The following TRIM5 variants were observed in gnomAD, a reference collection of about 807,000 sequenced individuals.
The protein encoded by TRIM5 is tripartite motif containing 5.
Under a neutral mutation model 35.6 loss-of-function variants are expected in TRIM5, and 31 were observed. The observed-to-expected ratio is 0.87, with a 90% CI of 0.65 to 1.18. The LOEUF (loss-of-function observed/expected upper bound fraction) is 1.18, where lower values mean the gene tolerates loss of function less well. TRIM5 is among the 50% of genes most tolerant of loss of function. The pLI is 0.00. For missense variants in TRIM5, 609 were observed against 591.6 expected, an observed-to-expected ratio of 1.03 and a Z score of -0.31; for synonymous variants, 243 against 215.6, an observed-to-expected ratio of 1.13 and a Z score of -1.11.
At position 5,678,308 on chromosome 11, in the gene TRIM5, G is replaced by A. The variant is rs147678479; in HGVS notation, c.640C>T (p.Leu214Phe). Reference protein sequence around the residue: ...EKEEEDILKSLTNSETEMVQQ... With the variant: ...EKEEEDILKSFTNSETEMVQQ... Reference sequence around the variant, plus strand: ...ACCATCTCAGTTTCAGAGTTCGTAAGGCTTTTCAGAATGTCTTCCTCCTCC... The same window carrying A: ...ACCATCTCAGTTTCAGAGTTCGTAAAGCTTTTCAGAATGTCTTCCTCCTCC... Residue 214 changes from leucine to phenylalanine, a missense_variant, in exon 4 of 8, where the codon CTT becomes TTT. Physicochemically the swap from Leu to Phe is conservative, Grantham distance 22. Coordinates refer to ENST00000380034, the MANE Select transcript of TRIM5 (RefSeq NM_033034.3). 11 of 1,614,150 alleles carry A rather than the reference G, an allele frequency of 6.8e-6. No individual in the cohort carries two copies. The African/African-American group carries it at 1.5e-4, about 22-fold the overall frequency.
chr11:5,641,381 T>G, the TRIM5 span: 364,356 of 1,356,774 alleles, frequency 0.27, 54,531 homozygotes, highest in East Asian at 0.56. Context: ...CGATCCTATG[T>G]TAGTAAATTC....
the TRIM5 span, chr11:5,643,589 C>G: frequency 6.2e-7 from 1 of 1,614,110 alleles, no homozygotes; most frequent in South Asian, 1.1e-5. Context: ...TTTTCAATGT[C>G]ACAAGCCATG....
the TRIM5 span, among the ~76,000 whole-genome samples, chr11:5,625,499 G>T: frequency 2.0e-5 from 3 of 152,094 alleles, no homozygotes; most frequent in Non-Finnish European, 2.9e-5. Context: ...TGTGTGCAGG[G>T]CTTAGCTCCT....
chr11:5,611,243 C>G, the TRIM5 span: 1 of 1,614,064 alleles, frequency 6.2e-7, no homozygotes, highest in South Asian at 1.1e-5. Flanking sequence ...GCTTCCCCAT[C>G]TACACTTTCT....
the TRIM5 span, chr11:5,634,805 G>GAGCTTCTGCTGA: frequency 6.2e-7 from 1 of 1,613,796 alleles, no homozygotes; most frequent in East Asian, 2.2e-5. Flanking sequence ...GTTGGTGAGA[G>GAGCTTCTGCTGA]AGCTCATCTC....
At chr11:5,611,492 C>T in the TRIM5 span, 2 of 735,072 alleles carry the variant, frequency 2.7e-6, no homozygotes, top group Non-Finnish European at 4.4e-6. Flanking sequence ...CTCGCTCTGT[C>T]GCCCAGGCTG....
chr11:5,637,339 A>T, the TRIM5 span, among the ~76,000 whole-genome samples: 1 of 152,158 alleles, frequency 6.6e-6, no homozygotes, highest in African/African-American at 2.4e-5. Context: ...ACTGATACTC[A>T]TTTCGTAAGA....
chr11:5,657,283 G>C, the TRIM5 span, among the ~76,000 whole-genome samples: 12 of 151,780 alleles, frequency 7.9e-5, no homozygotes, highest in East Asian at 2.1e-3. Flanking sequence ...GACACAGGGA[G>C]GGGAACATCA....
At chr11:5,592,926 A>G in the TRIM5 span, among the ~76,000 whole-genome samples, 15 of 132,476 alleles carry the variant, frequency 1.1e-4, no homozygotes, top group Admixed American at 4.5e-4. Flanking sequence ...AAAAAAAAAA[A>G]AAAAGAAAAA....
At chr11:5,640,224 TCAC>T in the TRIM5 span, among the ~76,000 whole-genome samples, 1 of 152,238 alleles carries the variant, frequency 6.6e-6, no homozygotes, top group Non-Finnish European at 1.5e-5. Context: ...ATTCAGTTTT[TCAC>T]CACAAAGTAT....
intron 4 of TRIM5, 66 bp downstream of exon 4, chr11:5,678,138 C>G: frequency 7.2e-7 from 1 of 1,381,562 alleles, no homozygotes; most frequent in East Asian, 2.5e-5. Context: ...AGCACAGCAA[C>G]GCAGAGAAGG....
At chr11:5,680,309 C>T (rs1852335401) in intron 1 of TRIM5, 71 bp from the exon 2 acceptor site, 3 of 902,276 alleles carry the variant, frequency 3.3e-6, no homozygotes, top group South Asian at 3.6e-5. Flanking sequence ...TGATTGTGCA[C>T]AATTAGAAAA....
At chr11:5,646,508 C>T in the TRIM5 span, among the ~76,000 whole-genome samples, 1 of 152,240 alleles carries the variant, frequency 6.6e-6, no homozygotes, top group African/African-American at 2.4e-5. Context: ...CACTAGACTA[C>T]TGCAGATCTA....
intron 3 of TRIM5, among the ~76,000 whole-genome samples, chr11:5,678,771 C>T (rs1237353021): frequency 1.3e-5 from 2 of 152,172 alleles, no homozygotes; most frequent in South Asian, 2.1e-4. Flanking sequence ...AGGACAGAAT[C>T]ATGAGCCATT....
At chr11:5,655,861 A>G in the TRIM5 span, among the ~76,000 whole-genome samples, 1 of 152,222 alleles carries the variant, frequency 6.6e-6, no homozygotes, top group African/African-American at 2.4e-5. Flanking sequence ...CCACACATCT[A>G]CAACCATCTG....
At chr11:5,591,537 A>C in the TRIM5 span, among the ~76,000 whole-genome samples, 2 of 152,134 alleles carry the variant, frequency 1.3e-5, no homozygotes, top group African/African-American at 4.8e-5. Flanking sequence ...AATCCCAGCT[A>C]CTGGGGAGGC....
chr11:5,592,914 C>CA, the TRIM5 span, among the ~76,000 whole-genome samples: 1,926 of 66,344 alleles, frequency 0.029, 54 homozygotes, highest in African/African-American at 0.094. Flanking sequence ...GAGATTGTCT[C>CA]AAAAAAAAAA....
chr11:5,637,473 A>C, the TRIM5 span, among the ~76,000 whole-genome samples: 6,195 of 152,302 alleles, frequency 0.041, 405 homozygotes, highest in African/African-American at 0.14. Flanking sequence ...TTTGATTTTT[A>C]ATGCTTTCTG....
chr11:5,633,094 TC>T, the TRIM5 span, among the ~76,000 whole-genome samples: 5 of 147,550 alleles, frequency 3.4e-5, no homozygotes, highest in East Asian at 1.0e-3. Flanking sequence ...CACCTCGGCC[TC>T]CCAAAGTGCT....
Sources: allele counts gnomAD v4.1 joint callset (sites outside exome capture counted in the v4.1 genomes callset), GRCh38; gene constraint gnomAD v4.1.1; transcripts MANE v1.5; gene names NCBI Gene and HGNC (gene_info 2026-07-23, HGNC 2026-07-21).